WDR88: variants seen among roughly 807,000 people sequenced by gnomAD.
The protein encoded by WDR88 is WD repeat domain 88, also known as WD repeat-containing protein 88.
Under a neutral mutation model 46.8 loss-of-function variants are expected in WDR88, and 40 were observed. That is an observed-to-expected ratio of 0.86 (90% CI 0.66 to 1.11). WDR88 has a LOEUF of 1.11. WDR88 is among the 50% of genes most tolerant of loss of function. The pLI is 0.00. For synonymous variants in WDR88, 235 were observed against 240.7 expected (o/e 0.98, Z 0.22); for missense variants, 562 against 602.4 (o/e 0.93, Z 0.70).
chr19:33,166,731 G>T (rs1252025823), intron 9 of WDR88, among the ~76,000 whole-genome samples: 2 of 146,524 alleles, frequency 1.4e-5, no homozygotes, highest in Non-Finnish European at 1.5e-5. Context: ...GGGCAACATG[G>T]TGAAACCCTG....
At chr19:33,145,066 C>G (rs370595177) in intron 3 of WDR88, 134 bp downstream of exon 3, 1 of 837,636 alleles carries the variant, frequency 1.2e-6, no homozygotes, top group Admixed American at 2.1e-5. Context: ...AAGCTGGTCT[C>G]GAACCTGTGG....
At chr19:33,173,648 G>A (rs1974076864) in intron 10 of WDR88, among the ~76,000 whole-genome samples, 1 of 152,006 alleles carries the variant, frequency 6.6e-6, no homozygotes, top group Non-Finnish European at 1.5e-5. Flanking sequence ...TGTGAGGGGT[G>A]GGACTCACAT....
chr19:33,154,165 GTTTA>G (rs200734545), intron 6 of WDR88, among the ~76,000 whole-genome samples: 2 of 151,876 alleles, frequency 1.3e-5, no homozygotes, highest in Non-Finnish European at 2.9e-5. Context: ...GATACCTCTG[GTTTA>G]TTTATTTATT....
chr19:33,141,997 A>T (rs560659495), intron 2 of WDR88, among the ~76,000 whole-genome samples: 88 of 152,098 alleles, frequency 5.8e-4, no homozygotes, highest in Non-Finnish European at 1.1e-3. Context: ...GGGCTTTTAA[A>T]AGATTTAAAA....
At chr19:33,142,878 A>AAAAAAAAAAAAAAAAAAAAAG (rs1289318961) in intron 2 of WDR88, 2 of 142,874 alleles carry the variant, frequency 1.4e-5, no homozygotes, top group African/African-American at 5.4e-5. Context: ...AAAAAAAAAA[A>AAAAAAAAAAAAAAAAAAAAAG]AAGGCCGGGG....
intron 1 of WDR88, 59 bp downstream of exon 1, chr19:33,132,504 G>T: frequency 1.3e-6 from 2 of 1,587,954 alleles, no homozygotes; most frequent in Non-Finnish European, 1.7e-6. Context: ...GGAGGAAGGC[G>T]CTCGAGCTGT....
intron 7 of WDR88, among the ~76,000 whole-genome samples, chr19:33,157,498 AATATATATATATATGTATATATATGTGT>A (rs1365930314): frequency 0.062 from 8,310 of 133,464 alleles, 434 homozygotes; most frequent in Admixed American, 0.18. Flanking sequence ...ACTCTGTCTC[AATATATATATATATGTATATATATGTGT>A]ATATATATAT....
chr19:33,165,071 G>T (rs1014401106), intron 9 of WDR88, among the ~76,000 whole-genome samples: 2 of 151,926 alleles, frequency 1.3e-5, no homozygotes, highest in Admixed American at 1.3e-4. Context: ...AATAGCCTTC[G>T]TGCTCCTGTG....
chr19:33,137,971 G>A (rs1479914622), intron 2 of WDR88, among the ~76,000 whole-genome samples, 184 bp downstream of exon 2: 1 of 152,148 alleles, frequency 6.6e-6, no homozygotes, highest in East Asian at 1.9e-4. Context: ...TAGGGTGGCT[G>A]CTGCCAGCTT....
intron 2 of WDR88, among the ~76,000 whole-genome samples, chr19:33,141,927 C>T (rs143629744): frequency 0.025 from 3,777 of 152,186 alleles, 169 homozygotes; most frequent in African/African-American, 0.086. Flanking sequence ...GTGATCTGTC[C>T]GCCTTGGCCT....
intron 1 of WDR88, among the ~76,000 whole-genome samples, chr19:33,133,903 C>A (rs891473292): frequency 6.6e-6 from 1 of 152,228 alleles, no homozygotes; most frequent in Non-Finnish European, 1.5e-5. Context: ...GTCTGACATC[C>A]CCGTTCCGTC....
chr19:33,151,680 C>T (rs907240583), intron 6 of WDR88, among the ~76,000 whole-genome samples: 1 of 151,850 alleles, frequency 6.6e-6, no homozygotes, highest in African/African-American at 2.4e-5. Flanking sequence ...AGGAGTTCAA[C>T]ACCAGCCTGG....
chr19:33,156,506 G>C lies in WDR88; in HGVS notation c.961G>C (p.Glu321Gln). 1 of 1,614,130 alleles carries C rather than the reference G, an allele frequency of 6.2e-7. No homozygotes were observed. Among genetic ancestry groups the C allele is most frequent in the Non-Finnish European group, 8.5e-7 (1 of 1,180,004 alleles). The change falls in exon 7 of 11, where the codon GAA becomes CAA. Residue 321 changes from glutamate to glutamine, a missense_variant. Glu to Gln is a conservative substitution (Grantham distance 29). Coordinates refer to ENST00000355868, the MANE Select transcript of WDR88 (RefSeq NM_173479.4). ...CTGTGTGACTCTGATGCAGGGCCATGAAGGTTCTGTCAGTTCCTGTCACTT... is the reference window on the plus strand; with the variant it reads ...CTGTGTGACTCTGATGCAGGGCCATCAAGGTTCTGTCAGTTCCTGTCACTT... Reference protein sequence around the residue: ...GACVTLMQGHEGSVSSCHFAR... With the variant: ...GACVTLMQGHQGSVSSCHFAR...
chr19:33,144,528 CTT>C (rs1305379385), intron 2 of WDR88, among the ~76,000 whole-genome samples: 1 of 152,104 alleles, frequency 6.6e-6, no homozygotes, highest in Admixed American at 6.6e-5. Context: ...TCTGCAAAGA[CTT>C]TTTGGCCAGT....
intron 8 of WDR88, among the ~76,000 whole-genome samples, chr19:33,160,923 G>A (rs1042587273): frequency 3.9e-5 from 6 of 152,154 alleles, no homozygotes; most frequent in Non-Finnish European, 8.8e-5. Flanking sequence ...TGTAATCCCA[G>A]TACTTTGGGA....
chr19:33,149,096 G>A (rs928966243), intron 5 of WDR88, among the ~76,000 whole-genome samples, 186 bp downstream of exon 5: 1 of 152,174 alleles, frequency 6.6e-6, no homozygotes, highest in Non-Finnish European at 1.5e-5. Flanking sequence ...CACTTTGGGA[G>A]GTTGCTTGAG....
Position 33,160,484 on chromosome 19 carries a change from G to A in WDR88, c.1068G>A (p.Lys356=). The A allele has an allele frequency of 8.1e-6, 13 of 1,614,204 alleles. No homozygotes were observed. Among genetic ancestry groups the A allele is most frequent in the Non-Finnish European group, 1.1e-5 (13 of 1,180,030 alleles). ...GGGATGTAGCAGAAGGCTACCGGAA[G>A]CTCTCTTTGAAGGTACATGTGGCCA... ...AIWDVAEGYR[K]LSLKGHNDWV... The change falls in exon 8 of 11, where the codon AAG becomes AAA. Residue 356 remains lysine, a synonymous_variant. Transcript: ENST00000355868.
chr19:33,166,150 C>G (rs372957343), intron 9 of WDR88, among the ~76,000 whole-genome samples: 143 of 151,690 alleles, frequency 9.4e-4, no homozygotes, highest in African/African-American at 3.3e-3. Flanking sequence ...GTAGTCCCAG[C>G]CACTCCAGGT....
rs1461920124 is a variant in WDR88, at chr19:33,175,775, G to C, written c.*203G>C. 1 of 582,870 alleles carries C rather than the reference G, an allele frequency of 1.7e-6. No individual in the cohort carries two copies. The highest frequency in any genetic ancestry group is 3.0e-6 in the Non-Finnish European group (1 of 329,078). The allele number at this position is 582,870 out of a possible 1,614,324, so 36.1% of individuals were successfully genotyped here. A position where few individuals can be genotyped will look rare whatever the true frequency, so the allele number is the denominator to read the frequency against. ...AGTGAACACTTTCCGTTTTCATGCA[G>C]AATAAATCTAATTCCTTTGGAAAAC... On this transcript the variant is annotated 3_prime_UTR_variant, in exon 11 of 11. Transcript: ENST00000355868.
Sources: gnomAD v4.1 joint callset for allele counts (sites outside exome capture counted in the v4.1 genomes callset) on GRCh38, gnomAD v4.1.1 for gene constraint, MANE v1.5 for transcripts, NCBI Gene and HGNC (gene_info 2026-07-23, HGNC 2026-07-21) for gene names.